Variants in ZDHHC9 observed in about 807,000 individuals in gnomAD.
The protein encoded by ZDHHC9 is zDHHC palmitoyltransferase 9.
ZDHHC9 carries 3 observed loss-of-function variants against 26.6 expected under a neutral mutation model. The observed-to-expected ratio is 0.11, with a 90% CI of 0.05 to 0.29. ZDHHC9 has a LOEUF of 0.29. ZDHHC9 is among the 10% of genes least tolerant of loss of function. ZDHHC9 has a pLI of 1.00. For synonymous variants in ZDHHC9, 111 were observed against 109.4 expected (o/e 1.01, Z -0.09); for missense variants, 146 against 296.4 (o/e 0.49, Z 3.73).
At chrX:129,834,514 A>T (rs1928217014) in intron 3 of ZDHHC9, among the ~76,000 whole-genome samples, 1 of 112,146 alleles carries the variant, frequency 8.9e-6, no homozygotes, top group Non-Finnish European at 1.9e-5. Flanking sequence ...CTCCAGTAGC[A>T]ATAAAGAAAA....
intron 4 of ZDHHC9, among the ~76,000 whole-genome samples, chrX:129,825,906 A>G (rs1928006727): frequency 9.0e-6 from 1 of 111,676 alleles, no homozygotes; most frequent in South Asian, 3.8e-4. Context: ...AAGTAGAACT[A>G]CTGGGTCAAA....
rs1927508172 is a variant in ZDHHC9, at chrX:129,806,066, T to C, written c.*304A>G. 3.2e-6 allele frequency: 1 copy of C among 309,156 alleles called. No homozygotes were observed. Among genetic ancestry groups the C allele is most frequent in the Non-Finnish European group, 5.8e-6 (1 of 171,775 alleles). The allele number at this position is 309,156 out of a possible 1,213,427, so 25.5% of individuals were successfully genotyped here. On this transcript the variant is annotated 3_prime_UTR_variant, in exon 11 of 11. Coordinates refer to ENST00000357166, the MANE Select transcript of ZDHHC9 (RefSeq NM_016032.4). ...GACCCCAAGCAGGAGGGCTGGGATC[T>C]GGAGGGAAGAGAGGGGGTCCAAGGG... is the stretch of plus-strand genomic sequence containing the variant.
rs751862504 is a variant in ZDHHC9, at chrX:129,824,294, T to C, written c.329-457A>G. Among the ~76,000 whole-genome samples, 8 of 111,438 alleles carry C rather than the reference T, an allele frequency of 7.2e-5. No homozygotes were observed. In the South Asian group the frequency reaches 3.1e-3, roughly 43 times the overall value. On this transcript the variant is annotated intron_variant, in intron 4 of 10. Transcript: ENST00000357166. ...ATGGCAGCTGCTACTAAACTTTTTT[T>C]TTCTTTTAAGATGAAGTCTCGCTCT...
chrX:129,834,599 C>T (rs1403935581), intron 3 of ZDHHC9, among the ~76,000 whole-genome samples: 1 of 111,717 alleles, frequency 9.0e-6, no homozygotes, highest in Non-Finnish European at 1.9e-5. Flanking sequence ...CAGGTAAACC[C>T]GCTCAGTAGT....
At chrX:129,825,848 C>T (rs1170958619) in intron 4 of ZDHHC9, among the ~76,000 whole-genome samples, 3 of 111,882 alleles carry the variant, frequency 2.7e-5, no homozygotes, top group Non-Finnish European at 5.6e-5. Context: ...AATCCTTCTA[C>T]AGTAATTTGT....
At chrX:129,810,199 AT>A (rs1269055897) in intron 10 of ZDHHC9, among the ~76,000 whole-genome samples, 6 of 105,980 alleles carry the variant, frequency 5.7e-5, no homozygotes, top group Non-Finnish European at 1.2e-4. Flanking sequence ...AAATACAAAA[AT>A]TAGCCAGGCA....
intron 5 of ZDHHC9, 34 bp from the exon 6 acceptor site, chrX:129,814,829 C>A (rs1927723562): frequency 8.3e-7 from 1 of 1,207,363 alleles, no homozygotes; most frequent in African/African-American, 1.8e-5. Context: ...AAGCCAAAAG[C>A]CTCCAGAACA....
At chrX:129,837,314 C>A (rs748600223) in intron 3 of ZDHHC9, among the ~76,000 whole-genome samples, 1 of 111,960 alleles carries the variant, frequency 8.9e-6, no homozygotes, top group Non-Finnish European at 1.9e-5. Context: ...AGACTAGCTG[C>A]GGGGGACAAC....
At chrX:129,841,271 C>T (rs546064354) in intron 3 of ZDHHC9, among the ~76,000 whole-genome samples, 3 of 112,520 alleles carry the variant, frequency 2.7e-5, no homozygotes, top group Admixed American at 9.4e-5. Context: ...GTATGTGCCA[C>T]GCACACAACT....
chrX:129,811,628 A>C, intron 8 of ZDHHC9, 119 bp from the exon 9 acceptor site: 1 of 594,450 alleles, frequency 1.7e-6, no homozygotes. Context: ...GAAGAAACAC[A>C]TGCAGCATGG....
At chrX:129,824,392 T>A in intron 4 of ZDHHC9, among the ~76,000 whole-genome samples, 1 of 111,318 alleles carries the variant, frequency 9.0e-6, no homozygotes, top group Middle Eastern at 4.6e-3. Flanking sequence ...TGGGTTCAAG[T>A]GATTCTCCTG....
rs985719706 is a variant in ZDHHC9, at chrX:129,815,104, T to C, written c.488-309A>G. 8.1e-5 allele frequency among the ~76,000 whole-genome samples: 9 copies of C among 110,754 alleles called. 1 individual carries two copies. The highest frequency in any genetic ancestry group is 9.7e-5 in the Admixed American group (1 of 10,349). On this transcript the variant is annotated intron_variant, in intron 5 of 10. Transcript: ENST00000357166. ...TCATTAAAAGCAGAGACACTGCTTT[T>C]CCAAATAAAATCTTAATCGGTGGGC...
At position 129,806,044 on chromosome X, in the gene ZDHHC9, C is replaced by T; in HGVS notation, c.*326G>A. The stretch of plus-strand genomic sequence containing the variant: ...TTAGCCCCAGAATGAGACCAGTGAC[C>T]CCAAGCAGGAGGGCTGGGATCTGGA... On this transcript the variant is annotated 3_prime_UTR_variant, in exon 11 of 11. Transcript: ENST00000357166. 3.6e-6 allele frequency: 1 copy of T among 279,136 alleles called. No individual in the cohort carries two copies. The highest frequency in any genetic ancestry group is 6.5e-6 in the Non-Finnish European group (1 of 154,155). 23.0% of individuals were successfully genotyped at this position (279,136 alleles called of 1,213,427 possible).
At chrX:129,827,519 G>A (rs1928044765) in intron 4 of ZDHHC9, among the ~76,000 whole-genome samples, 1 of 110,340 alleles carries the variant, frequency 9.1e-6, no homozygotes, top group Admixed American at 9.7e-5. Context: ...TTGATCTGGT[G>A]GGCTCCCACT....
intron 3 of ZDHHC9, among the ~76,000 whole-genome samples, chrX:129,830,459 C>T (rs752606370): frequency 3.7e-4 from 41 of 112,215 alleles, no homozygotes; most frequent in African/African-American, 1.1e-3. Flanking sequence ...TTCTGTATCT[C>T]CCAGAGCTTT....
chrX:129,828,454 T>G (rs1000438380), intron 4 of ZDHHC9, among the ~76,000 whole-genome samples: 1 of 109,057 alleles, frequency 9.2e-6, no homozygotes, highest in African/African-American at 3.3e-5. Context: ...AATCCCCGTC[T>G]CTACTAAAAA....
chrX:129,806,343 C>A lies in ZDHHC9; in HGVS notation c.*27G>T. 8.5e-7 allele frequency: 1 copy of A among 1,170,690 alleles called. No homozygotes were observed. The highest frequency in any genetic ancestry group is 1.8e-5 in the African/African-American group (1 of 57,001). On this transcript the variant is annotated 3_prime_UTR_variant, in exon 11 of 11. Coordinates refer to ENST00000357166, the MANE Select transcript of ZDHHC9 (RefSeq NM_016032.4). ...AATCTCTCATAGCCCTAATTAAACA[C>A]AAACAAAAGTCTCTTCCATAGATAG...
intron 4 of ZDHHC9, among the ~76,000 whole-genome samples, chrX:129,826,916 G>C (rs1241181190): frequency 3.6e-5 from 4 of 112,656 alleles, no homozygotes; most frequent in African/African-American, 1.3e-4. Context: ...TACATGGGCC[G>C]GGCGCAGTGG....
chrX:129,814,896 C>A, intron 5 of ZDHHC9, 101 bp from the exon 6 acceptor site: 4 of 861,961 alleles, frequency 4.6e-6, no homozygotes, highest in South Asian at 2.3e-5. Context: ...GGATCATTGT[C>A]TATTTCAGTT....
Sources: gnomAD v4.1 joint callset for allele counts (sites outside exome capture counted in the v4.1 genomes callset) on GRCh38, gnomAD v4.1.1 for gene constraint, MANE v1.5 for transcripts, NCBI Gene and HGNC (gene_info 2026-07-23, HGNC 2026-07-21) for gene names.